The following INTS6 variants were observed in gnomAD, a reference collection of about 807,000 sequenced individuals.
INTS6 encodes integrator complex subunit 6.
INTS6 carries 16 observed loss-of-function variants against 104.9 expected under a neutral mutation model. The ratio of observed to expected loss-of-function variants is 0.15; its 90% CI spans 0.10 to 0.23. The LOEUF is 0.23. INTS6 is among the 10% of genes least tolerant of loss of function. The probability of loss-of-function intolerance (pLI) is 1.00; values close to 1 mark genes in which losing one functional copy is unlikely to be tolerated. For synonymous variants in INTS6, 324 were observed against 358.7 expected (o/e 0.90, Z 1.09); for missense variants, 584 against 1,062.8 (o/e 0.55, Z 6.26).
chr13:51,364,715 A>G lies in INTS6; in HGVS notation c.*1037T>C, dbSNP rs887894950. 12 of 153,986 alleles carry G rather than the reference A, an allele frequency of 7.8e-5. No homozygotes were observed. The highest frequency in any genetic ancestry group is 2.9e-4 in the African/African-American group (12 of 41,496). 9.5% of individuals were successfully genotyped at this position (153,986 alleles called of 1,614,324 possible). On this transcript the variant is annotated 3_prime_UTR_variant, in exon 18 of 18. Coordinates refer to ENST00000311234, the MANE Select transcript of INTS6 (RefSeq NM_012141.3). ...TCCTTTCCATTTAGCTTATAAATAA[A>G]ACAGAGTTTAAGTGTGAGAACAGCA...
At chr13:51,346,654 C>A in the INTS6 span, among the ~76,000 whole-genome samples, 1 of 152,224 alleles carries the variant, frequency 6.6e-6, no homozygotes, top group African/African-American at 2.4e-5. Flanking sequence ...ACACCCTCAT[C>A]CCCCAGCAGG....
At chr13:51,394,201 A>G (rs12100084) in intron 5 of INTS6, among the ~76,000 whole-genome samples, 6,942 of 152,236 alleles carry the variant, frequency 0.046, 187 homozygotes, top group East Asian at 0.1. Flanking sequence ...ATGACAGGTT[A>G]TCCCTAAAAA....
the INTS6 span, chr13:51,340,951 A>G: frequency 1.1e-5 from 10 of 885,396 alleles, no homozygotes; most frequent in African/African-American, 1.0e-4. Flanking sequence ...AGCTCAATGC[A>G]TCTCTCCCTC....
the INTS6 span, among the ~76,000 whole-genome samples, chr13:51,337,140 T>C: frequency 6.6e-6 from 1 of 152,220 alleles, no homozygotes; most frequent in African/African-American, 2.4e-5. Context: ...TCTTCCTCAG[T>C]GGGTGTGCTC....
At chr13:51,348,527 T>A in the INTS6 span, 2 of 764,430 alleles carry the variant, frequency 2.6e-6, no homozygotes, top group Non-Finnish European at 4.2e-6. Flanking sequence ...ATGACTTGTT[T>A]AATATGTATC....
Position 51,369,045 on chromosome 13 carries a change from T to C in INTS6, c.2370A>G (p.Ala790=). ...ATTTCTTTCCTTTGTTGAGTGAAGA[T>C]GCTGGTATGTTCTCTTCAGCACATT... is the stretch of plus-strand genomic sequence containing the variant. ...KEQCAEENIP[A]SSLNKGKKLM... Residue 790 remains alanine, a synonymous_variant, in exon 16 of 18, where the codon GCA becomes GCG. Coordinates refer to ENST00000311234, the MANE Select transcript of INTS6 (RefSeq NM_012141.3). The C allele has an allele frequency of 6.2e-7, 1 of 1,613,914 alleles. No homozygotes were observed. Among genetic ancestry groups the C allele is most frequent in the Non-Finnish European group, 8.5e-7 (1 of 1,179,854 alleles).
At chr13:51,383,484 A>G in intron 8 of INTS6, 23 bp from the exon 9 acceptor site, 2 of 1,608,260 alleles carry the variant, frequency 1.2e-6, no homozygotes, top group Non-Finnish European at 1.7e-6. Flanking sequence ...AGCGGTTAAA[A>G]CTTTAATAAC....
the INTS6 span, among the ~76,000 whole-genome samples, chr13:51,339,938 G>C: frequency 6.6e-6 from 1 of 152,152 alleles, no homozygotes; most frequent in Middle Eastern, 3.2e-3. Flanking sequence ...GAAAGAAAGA[G>C]AGAGAGAGAG....
chr13:51,432,748 G>A (rs558570958), intron 3 of INTS6, among the ~76,000 whole-genome samples: 2 of 152,260 alleles, frequency 1.3e-5, no homozygotes, highest in African/African-American at 4.8e-5. Flanking sequence ...TGAATTTGCT[G>A]GGCTACTAGA....
At chr13:51,435,507 CAAT>C (rs1312564505) in intron 3 of INTS6, among the ~76,000 whole-genome samples, 18 of 151,824 alleles carry the variant, frequency 1.2e-4, no homozygotes, top group East Asian at 5.8e-4. Flanking sequence ...CATAAAATCT[CAAT>C]AATAAGAAAA....
chr13:51,425,954 A>C (rs1244547365), intron 4 of INTS6, among the ~76,000 whole-genome samples: 1 of 152,020 alleles, frequency 6.6e-6, no homozygotes, highest in Non-Finnish European at 1.5e-5. Flanking sequence ...AACCAGTTTT[A>C]TCAAATAGCT....
At chr13:51,336,602 C>A in the INTS6 span, among the ~76,000 whole-genome samples, 1 of 152,154 alleles carries the variant, frequency 6.6e-6, no homozygotes, top group African/African-American at 2.4e-5. Flanking sequence ...CATGAAAGGA[C>A]CTCGATGGTC....
chr13:51,451,790 C>G (rs1260327394), intron 2 of INTS6, among the ~76,000 whole-genome samples, 188 bp downstream of exon 2: 1 of 150,348 alleles, frequency 6.7e-6, no homozygotes, highest in Non-Finnish European at 1.5e-5. Context: ...CCCCGCGACT[C>G]CGCGCCGCGC....
intron 13 of INTS6, among the ~76,000 whole-genome samples, chr13:51,375,734 G>GATGTGTGT (rs142921391): frequency 1.4e-4 from 21 of 147,560 alleles, no homozygotes; most frequent in Non-Finnish European, 2.3e-4. Context: ...TTGATAAGTG[G>GATGTGTGT]GTGTGTGTGT....
intron 3 of INTS6, among the ~76,000 whole-genome samples, chr13:51,434,057 C>T (rs1211949436): frequency 6.6e-6 from 1 of 152,160 alleles, no homozygotes; most frequent in African/African-American, 2.4e-5. Flanking sequence ...TTGGCAGCTG[C>T]TAAATTCTCT....
chr13:51,387,581 AG>A (rs1454070770), intron 6 of INTS6, 41 bp from the exon 7 acceptor site: 2 of 1,464,828 alleles, frequency 1.4e-6, no homozygotes, highest in African/African-American at 2.9e-5. Context: ...ATATATCATA[AG>A]GGGGGATAAG....
At chr13:51,344,431 G>A in the INTS6 span, 9 of 1,607,626 alleles carry the variant, frequency 5.6e-6, no homozygotes, top group African/African-American at 2.7e-5. Flanking sequence ...CGACCTCAGT[G>A]AGCCCAATAG....
chr13:51,335,114 G>C, the INTS6 span, among the ~76,000 whole-genome samples: 2 of 152,070 alleles, frequency 1.3e-5, no homozygotes, highest in Non-Finnish European at 2.9e-5. Context: ...TCTAACACAT[G>C]AGAGAAGGGT....
chr13:51,340,629 T>G, the INTS6 span, among the ~76,000 whole-genome samples: 1 of 152,232 alleles, frequency 6.6e-6, no homozygotes, highest in African/African-American at 2.4e-5. Flanking sequence ...TAACTGCAAA[T>G]GTACAAAGTC....
Sources: gnomAD v4.1 joint callset for allele counts (sites outside exome capture counted in the v4.1 genomes callset) on GRCh38, gnomAD v4.1.1 for gene constraint, MANE v1.5 for transcripts, NCBI Gene and HGNC (gene_info 2026-07-23, HGNC 2026-07-21) for gene names.